CLBA1: variants seen among roughly 807,000 people sequenced by gnomAD.
CLBA1 encodes the protein clathrin binding box of aftiphilin containing 1.
In CLBA1, 30 loss-of-function variants were observed where a neutral mutation model predicts 28.8. The ratio of observed to expected loss-of-function variants is 1.04; its 90% CI spans 0.78 to 1.41. CLBA1 has a LOEUF of 1.41. Ranked by LOEUF, CLBA1 falls within the 40% of genes most tolerant of loss-of-function variation. The probability of loss-of-function intolerance (pLI) is 0.00; values close to 1 mark genes in which losing one functional copy is unlikely to be tolerated. For synonymous variants in CLBA1, 160 were observed against 152.8 expected, an observed-to-expected ratio of 1.05 and a Z score of -0.35; for missense variants, 451 against 412.3, an observed-to-expected ratio of 1.09 and a Z score of -0.81.
chr14:105,000,328 A>G (rs11846421), downstream of CLBA1, among the ~76,000 whole-genome samples: 12,184 of 151,300 alleles, frequency 0.081, 1,464 homozygotes, highest in African/African-American at 0.26. Context: ...CTGGGGTGCA[A>G]TGGTGCAATG....
Position 104,993,013 on chromosome 14 carries a change from C to G in CLBA1, c.765C>G (p.Leu255=). Residue 255 remains leucine (L), a synonymous_variant, in exon 4 of 5, where the codon CTC becomes CTG. Coordinates refer to ENST00000547315, the MANE Select transcript of CLBA1 (RefSeq NM_174891.4). The part of the protein sequence containing the change: ...DCDLKEPEGL[L]TVSSFCLQHC... ...ACCTCAAAGAGCCTGAAGGACTCCTCACTGTCAGCAGCTTCTGTCTCCAGC... is the reference window on the plus strand; with the variant it reads ...ACCTCAAAGAGCCTGAAGGACTCCTGACTGTCAGCAGCTTCTGTCTCCAGC... The G allele has an allele frequency of 6.2e-7, 1 of 1,614,148 alleles. No homozygotes were observed. The highest frequency in any genetic ancestry group is 1.3e-5 in the African/African-American group (1 of 75,046).
rs1899850951 is a variant in CLBA1 at position 104,986,253 on chromosome 14, A to C, written c.-179A>C. The C allele has an allele frequency of 1.5e-5, 10 of 645,906 alleles. No individual in the cohort carries two copies. Among genetic ancestry groups the C allele is most frequent in the Non-Finnish European group, 2.6e-5 (10 of 378,980 alleles). The allele number at this position is 645,906 out of a possible 1,614,324, so 40.0% of individuals were successfully genotyped here. ...CATTCCTGTGGTTTGTGTCAGTTCC[A>C]CAGCAGCACGTGGGCACTTTCCACC... On this transcript the variant is annotated 5_prime_UTR_variant, in exon 1 of 5. Coordinates refer to ENST00000547315, the MANE Select transcript of CLBA1 (RefSeq NM_174891.4).
downstream of CLBA1, among the ~76,000 whole-genome samples, chr14:104,997,530 G>A (rs1474307137): frequency 1.3e-5 from 2 of 152,210 alleles, no homozygotes; most frequent in East Asian, 1.9e-4. Flanking sequence ...AGGAGGTGAC[G>A]TGGAGAAAAC....
At chr14:105,000,691 C>G (rs919327884) in intron 2 of CLBA1, among the ~76,000 whole-genome samples, 2 of 152,080 alleles carry the variant, frequency 1.3e-5, no homozygotes, top group African/African-American at 4.8e-5. Flanking sequence ...AAATGCAAAT[C>G]AAGACTGCAA....
At chr14:104,991,732 G>A in intron 3 of CLBA1, 112 bp downstream of exon 3, 1 of 1,345,588 alleles carries the variant, frequency 7.4e-7, no homozygotes, top group Non-Finnish European at 1.0e-6. Flanking sequence ...GTGGGTTCAG[G>A]TGGGTTAAAG....
At position 104,986,710 on chromosome 14, in the gene CLBA1, A is replaced by G. The variant is rs780180361; in HGVS notation, c.279A>G (p.Gln93=). The change falls in exon 1 of 5, where the codon CAA becomes CAG. Residue 93 remains glutamine (Q), a synonymous_variant. Coordinates refer to ENST00000547315, the MANE Select transcript of CLBA1 (RefSeq NM_174891.4). Reference sequence around the variant, plus strand: ...GGGAATCTTCAGCCAAGTCTGGACAATTCTCACAGTCCCTTGAACTCCTCG... The same window carrying G: ...GGGAATCTTCAGCCAAGTCTGGACAGTTCTCACAGTCCCTTGAACTCCTCG... ...GFRESSAKSG[Q]FSQSLELLEG... 2.5e-6 allele frequency: 4 copies of G among 1,613,918 alleles called. No homozygotes were observed. Among genetic ancestry groups the G allele is most frequent in the Admixed American group, 1.7e-5 (1 of 60,012 alleles).
At position 104,986,167 on chromosome 14, in the gene CLBA1, T is replaced by G. The variant is rs561193989; in HGVS notation, c.-265T>G. 8.8e-4 allele frequency: 472 copies of G among 535,556 alleles called. 2 individuals carry two copies. Among genetic ancestry groups the G allele is most frequent in the South Asian group, 1.8e-3 (84 of 46,766 alleles). 33.2% of individuals were successfully genotyped at this position (535,556 alleles called of 1,614,324 possible). On this transcript the variant is annotated 5_prime_UTR_variant, in exon 1 of 5. Transcript: ENST00000547315. ...ACCTGCCGTGGGTCTGGTACGCGCC[T>G]CTGTGTCGGACTCCGCGCCCGCCTG...
intron 4 of CLBA1, chr14:104,994,080 C>A: frequency 1.0e-6 from 1 of 985,212 alleles, no homozygotes; most frequent in Non-Finnish European, 1.2e-6. Flanking sequence ...CAGGAGAGGG[C>A]CCTGATCGGC....
In CLBA1 at chr14:104,992,955, C is replaced by A; in HGVS notation, c.707C>A (p.Ser236Tyr). 1.2e-6 allele frequency: 2 copies of A among 1,613,534 alleles called. No homozygotes were observed. The highest frequency in any genetic ancestry group is 8.5e-7 in the Non-Finnish European group (1 of 1,179,464). Reference sequence around the variant, plus strand: ...TGGGGTCTGTCTCCTTAGAACCTTTCTGGAGGCCAGGGCCACATCATGGAA... The same window carrying A: ...TGGGGTCTGTCTCCTTAGAACCTTTATGGAGGCCAGGGCCACATCATGGAA... ...LGIDAAQKNL[S>Y]GGQGHIMEDC... Residue 236 changes from serine to tyrosine, a missense_variant, in exon 4 of 5, where the codon TCT (serine) becomes TAT (tyrosine). Transcript: ENST00000547315.
chr14:104,998,089 C>A (rs1900186835), downstream of CLBA1, among the ~76,000 whole-genome samples: 2 of 151,886 alleles, frequency 1.3e-5, no homozygotes, highest in Middle Eastern at 3.4e-3. Context: ...GAAACCACAC[C>A]AGTTATCTGA....
At chr14:104,989,762 A>C (rs1899968023) in intron 2 of CLBA1, 2 of 449,160 alleles carry the variant, frequency 4.5e-6, no homozygotes, top group African/African-American at 4.0e-5. Context: ...GGGGTGAGCT[A>C]GCTTCCCTGT....
intron 2 of CLBA1, chr14:104,990,079 G>C (rs944428944): frequency 5.1e-6 from 1 of 194,586 alleles, no homozygotes; most frequent in African/African-American, 2.3e-5. Context: ...GGGAAAAACT[G>C]TGGAGAATGT....
At chr14:104,993,666 T>C (rs917089939) in intron 4 of CLBA1, 3 of 985,312 alleles carry the variant, frequency 3.0e-6, no homozygotes, top group African/African-American at 1.7e-5. Context: ...TTTTCTGGGC[T>C]GGAGTCTGGA....
At position 104,995,076 on chromosome 14, in the gene CLBA1, A is replaced by C. The variant is rs1900133380; in HGVS notation, c.*317A>C. ...CTGGTGGGGGGTTGCCCAGGGATGG[A>C]CCCTGGGCATGGCTTCTGGGCTGCT... On this transcript the variant is annotated 3_prime_UTR_variant, in exon 5 of 5. Coordinates refer to ENST00000547315, the MANE Select transcript of CLBA1 (RefSeq NM_174891.4). 9.7e-7 allele frequency: 1 copy of C among 1,033,682 alleles called. No homozygotes were observed. Among genetic ancestry groups the C allele is most frequent in the Non-Finnish European group, 1.2e-6 (1 of 861,296 alleles). 64.0% of individuals were successfully genotyped at this position (1,033,682 alleles called of 1,614,324 possible).
chr14:104,991,530 A>G lies in CLBA1; in HGVS notation c.609A>G (p.Ile203Met). ...SRKLWRALQS[I>M]HTTSTSQRLW... is the part of the protein sequence containing the mutation. ...AACTCTGGAGAGCCCTTCAGAGCAT[A>G]CACACCACGTCTACTTCTCAGCGCC... is the stretch of plus-strand genomic sequence containing the variant. Residue 203 changes from isoleucine (I) to methionine (M), a missense_variant, in exon 3 of 5, where the codon ATA (isoleucine) becomes ATG (methionine). By Grantham distance (10) the Ile-to-Met change is conservative. Transcript: ENST00000547315. The G allele has an allele frequency of 6.2e-7, 1 of 1,614,054 alleles. No individual in the cohort carries two copies.
Position 104,989,000 on chromosome 14 carries a change from C to T in CLBA1, c.481C>T (p.Gln161Ter). Residue 161 changes from glutamine (Q) to a stop codon, truncating the protein, a stop_gained, in exon 2 of 5, where the codon CAG becomes TAG. Coordinates refer to ENST00000547315, the MANE Select transcript of CLBA1 (RefSeq NM_174891.4). LOFTEE classifies it high-confidence loss of function. ...TGCTTTTCAAGAAATAACAGTCCAGCAGGCAGCTGAAGACGTTTCCACCAT... is the reference window on the plus strand; with the variant it reads ...TGCTTTTCAAGAAATAACAGTCCAGTAGGCAGCTGAAGACGTTTCCACCAT... ...KCAFQEITVQ[Q>*]AAEDVSTIDH... 6.2e-7 allele frequency: 1 copy of T among 1,613,068 alleles called. No individual in the cohort carries two copies. The highest frequency in any genetic ancestry group is 1.1e-5 in the South Asian group (1 of 91,022).
At position 104,993,018 on chromosome 14, in the gene CLBA1, T is replaced by C. The variant is rs372320531; in HGVS notation, c.770T>C (p.Val257Ala). The change falls in exon 4 of 5, where the codon GTC (valine) becomes GCC (alanine). Residue 257 changes from valine to alanine, a missense_variant. Transcript: ENST00000547315. ...AAAGAGCCTGAAGGACTCCTCACTG[T>C]CAGCAGCTTCTGTCTCCAGCATTGC... ...DLKEPEGLLT[V>A]SSFCLQHCKA... is the part of the protein sequence containing the mutation. 1.2e-6 allele frequency: 2 copies of C among 1,614,026 alleles called. No individual in the cohort carries two copies. The highest frequency in any genetic ancestry group is 1.7e-5 in the Admixed American group (1 of 60,006).
chr14:104,989,025 T>C lies in CLBA1; in HGVS notation c.506T>C (p.Ile169Thr), dbSNP rs764424610. The C allele has an allele frequency of 6.2e-7, 1 of 1,613,780 alleles. No homozygotes were observed. The highest frequency in any genetic ancestry group is 2.2e-5 in the East Asian group (1 of 44,884). The change falls in exon 2 of 5, where the codon ATA becomes ACA. Residue 169 changes from isoleucine to threonine, a missense_variant. Physicochemically the swap from Ile to Thr is moderately conservative, Grantham distance 89. Coordinates refer to ENST00000547315, the MANE Select transcript of CLBA1 (RefSeq NM_174891.4). Reference sequence around the variant, plus strand: ...CAGGCAGCTGAAGACGTTTCCACCATAGACCATTTCCTAGAAATAAGCAGT... The same window carrying C: ...CAGGCAGCTGAAGACGTTTCCACCACAGACCATTTCCTAGAAATAAGCAGT... Reference protein sequence around the residue: ...VQQAAEDVSTIDHFLEISSEE... With the variant: ...VQQAAEDVSTTDHFLEISSEE...
At position 104,986,073 on chromosome 14, in the gene CLBA1, C is replaced by T. The variant is rs957655370; in HGVS notation, c.-359C>T. ...GCCCGGCTCTCGCTCCTCTGGCCAG[C>T]GTGGGCCTCCCAGGCCCCCTCGCGG... is the stretch of plus-strand genomic sequence containing the variant. On this transcript the variant is annotated 5_prime_UTR_variant, in exon 1 of 5. Coordinates refer to ENST00000547315, the MANE Select transcript of CLBA1 (RefSeq NM_174891.4). The T allele has an allele frequency of 1.3e-5, 4 of 296,444 alleles. No homozygotes were observed. Among genetic ancestry groups the T allele is most frequent in the Non-Finnish European group, 2.6e-5 (4 of 153,906 alleles). The allele number at this position is 296,444 out of a possible 1,614,324, so 18.4% of individuals were successfully genotyped here.
Sources: gnomAD v4.1 joint callset for allele counts (sites outside exome capture counted in the v4.1 genomes callset) on GRCh38, gnomAD v4.1.1 for gene constraint, MANE v1.5 for transcripts, NCBI Gene and HGNC (gene_info 2026-07-23, HGNC 2026-07-21) for gene names.